IL1RAPL1: variants seen among roughly 807,000 people sequenced by gnomAD.
IL1RAPL1 encodes interleukin-1 receptor accessory protein-like 1.
In IL1RAPL1, 3 loss-of-function variants were observed where a neutral mutation model predicts 48.4. That is an observed-to-expected ratio of 0.06 (90% CI 0.03 to 0.16). IL1RAPL1 has a LOEUF of 0.16. Ranked by LOEUF, IL1RAPL1 falls within the 10% of genes least tolerant of loss-of-function variation. IL1RAPL1 has a pLI of 1.00. For missense variants in IL1RAPL1, 349 were observed against 530.6 expected (o/e 0.66, Z 3.36); for synonymous variants, 185 against 187.7 (o/e 0.99, Z 0.12).
intron 2 of IL1RAPL1, among the ~76,000 whole-genome samples, chrX:28,871,378 A>G (rs1300239743): frequency 8.9e-6 from 1 of 112,023 alleles, no homozygotes. Flanking sequence ...TTGCTGTTTT[A>G]TAGTAGGAAC....
chrX:29,633,468 TACACACACACACACACAC>T (rs200222696), intron 5 of IL1RAPL1, among the ~76,000 whole-genome samples: 1 of 97,728 alleles, frequency 1.0e-5, no homozygotes. Context: ...GATATATATA[TACACACACACACACACAC>T]ACACACACAC....
intron 3 of IL1RAPL1, among the ~76,000 whole-genome samples, chrX:29,315,621 C>T (rs1932767220): frequency 9.0e-6 from 1 of 111,483 alleles, no homozygotes; most frequent in Non-Finnish European, 1.9e-5. Flanking sequence ...TAGTTAGAAG[C>T]CCAAAATGAG....
At chrX:28,954,504 A>G (rs1459997810) in intron 2 of IL1RAPL1, among the ~76,000 whole-genome samples, 1 of 110,688 alleles carries the variant, frequency 9.0e-6, no homozygotes, top group East Asian at 2.8e-4. Flanking sequence ...AAACATACAC[A>G]ATCTCATTGT....
chrX:29,648,578 T>A (rs753970482), intron 5 of IL1RAPL1, among the ~76,000 whole-genome samples: 1 of 112,160 alleles, frequency 8.9e-6, no homozygotes, highest in Non-Finnish European at 1.9e-5. Context: ...AATTTAAATT[T>A]TTTAAGACAA....
intron 1 of IL1RAPL1, among the ~76,000 whole-genome samples, chrX:28,604,510 C>G (rs1469240960): frequency 9.1e-6 from 1 of 110,218 alleles, no homozygotes; most frequent in South Asian, 3.9e-4. Context: ...GGGTGGATCA[C>G]GAGGTCAAGA....
At chrX:29,725,433 A>G (rs751371091) in intron 6 of IL1RAPL1, among the ~76,000 whole-genome samples, 1 of 111,483 alleles carries the variant, frequency 9.0e-6, no homozygotes. Flanking sequence ...TTCTGAGATA[A>G]TATCCCTTGT....
chrX:29,208,568 G>A (rs1357803170), intron 2 of IL1RAPL1, among the ~76,000 whole-genome samples: 15 of 108,550 alleles, frequency 1.4e-4, no homozygotes, highest in African/African-American at 2.7e-4. Context: ...AAAATTAGCC[G>A]GGCGTGGTGG....
chrX:28,653,897 T>C (rs1934717457), intron 1 of IL1RAPL1, among the ~76,000 whole-genome samples: 1 of 111,960 alleles, frequency 8.9e-6, no homozygotes, highest in Admixed American at 9.5e-5. Flanking sequence ...AACCTGCATT[T>C]GGATCTCATT....
chrX:29,098,247 C>T (rs1432167934), intron 2 of IL1RAPL1, among the ~76,000 whole-genome samples: 1 of 110,747 alleles, frequency 9.0e-6, no homozygotes, highest in Non-Finnish European at 1.9e-5. Flanking sequence ...TCCTGTTAGT[C>T]ATCCCCATTC....
In IL1RAPL1 at chrX:29,797,246, A is replaced by G. The variant is rs146084290; in HGVS notation, c.779-120218A>G. On this transcript the variant is annotated intron_variant, in intron 6 of 10. Transcript: ENST00000378993. ...TGCCTTGGCACATGGCAGGAGCCCAATGTGTTTCATAAGGAAATTAAGATT... is the reference window on the plus strand; with the variant it reads ...TGCCTTGGCACATGGCAGGAGCCCAGTGTGTTTCATAAGGAAATTAAGATT... Among the ~76,000 whole-genome samples, 971 of 112,437 alleles carry G rather than the reference A, an allele frequency of 8.6e-3. 2 individuals carry two copies. Among genetic ancestry groups the G allele is most frequent in the Middle Eastern group, 0.018 (4 of 217 alleles).
At chrX:29,376,521 C>T (rs1250753639) in intron 3 of IL1RAPL1, among the ~76,000 whole-genome samples, 1 of 110,430 alleles carries the variant, frequency 9.1e-6, no homozygotes, top group African/African-American at 3.3e-5. Context: ...AGGTGCACAT[C>T]ACCATTCCTG....
At chrX:29,587,987 T>C (rs972278580) in intron 5 of IL1RAPL1, among the ~76,000 whole-genome samples, 9 of 112,536 alleles carry the variant, frequency 8.0e-5, no homozygotes, top group Non-Finnish European at 1.5e-4. Flanking sequence ...TTGGCTCCAA[T>C]TCTACCATAA....
chrX:29,598,643 T>G (rs187021086), intron 5 of IL1RAPL1, among the ~76,000 whole-genome samples: 36 of 112,002 alleles, frequency 3.2e-4, no homozygotes, highest in Non-Finnish European at 1.7e-4. Context: ...CACCCACTAT[T>G]ATGGTGTTGT....
chrX:28,833,463 T>C (rs2147287840), intron 2 of IL1RAPL1, among the ~76,000 whole-genome samples: 1 of 112,002 alleles, frequency 8.9e-6, no homozygotes, highest in Non-Finnish European at 1.9e-5. Flanking sequence ...TGTTCATTTT[T>C]CTTTGCAACC....
At chrX:28,816,190 C>G (rs1012798950) in intron 2 of IL1RAPL1, among the ~76,000 whole-genome samples, 1 of 108,712 alleles carries the variant, frequency 9.2e-6, no homozygotes, top group African/African-American at 3.3e-5. Flanking sequence ...GTCTTCTGGA[C>G]AAAAGCTATT....
intron 2 of IL1RAPL1, among the ~76,000 whole-genome samples, chrX:29,159,783 A>G (rs1382034990): frequency 9.0e-6 from 1 of 111,387 alleles, no homozygotes; most frequent in Non-Finnish European, 1.9e-5. Flanking sequence ...CTGGAGTGCA[A>G]TGGCGCGATC....
chrX:29,550,422 G>A (rs758719466), intron 5 of IL1RAPL1, among the ~76,000 whole-genome samples: 2 of 111,005 alleles, frequency 1.8e-5, no homozygotes, highest in Admixed American at 9.6e-5. Context: ...CTCGTGATCC[G>A]CCCGCCTCGG....
At position 29,185,378 on chromosome X, in the gene IL1RAPL1, G is replaced by T. The variant is rs748408213; in HGVS notation, c.83-97560G>T. Among the ~76,000 whole-genome samples the T allele has an allele frequency of 7.7e-4, 86 of 111,458 alleles. 1 individual carries two copies. Among genetic ancestry groups the T allele is most frequent in the Non-Finnish European group, 1.5e-3 (79 of 53,117 alleles). ...CTAACCTGACTTTATATTGCTATAT[G>T]ACTTTGGGGAAATTACTTACCCATG... On this transcript the variant is annotated intron_variant, in intron 2 of 10. Transcript: ENST00000378993.
At chrX:29,791,427 C>CTTTTTTTTTTT (rs772185346) in intron 6 of IL1RAPL1, among the ~76,000 whole-genome samples, 1 of 99,777 alleles carries the variant, frequency 1.0e-5, no homozygotes, top group African/African-American at 3.6e-5. Context: ...TTCTTTTTAT[C>CTTTTTTTTTTT]TTTTTTTTTT....
Sources: gnomAD v4.1 joint callset for allele counts (sites outside exome capture counted in the v4.1 genomes callset) on GRCh38, gnomAD v4.1.1 for gene constraint, MANE v1.5 for transcripts, NCBI Gene and HGNC (gene_info 2026-07-23, HGNC 2026-07-21) for gene names.